The following IGF1R variants were observed in gnomAD, a reference collection of about 807,000 sequenced individuals.
The protein encoded by IGF1R is insulin like growth factor 1 receptor, also known as insulin-like growth factor 1 receptor.
A neutral mutation model predicts 144.6 loss-of-function variants in IGF1R; 44 were observed. That is an observed-to-expected ratio of 0.30 (90% CI 0.24 to 0.39). The LOEUF (loss-of-function observed/expected upper bound fraction) is 0.39, where lower values mean the gene tolerates loss of function less well. IGF1R is among the 10% of genes least tolerant of loss of function. The pLI, the probability that IGF1R is intolerant of heterozygous loss-of-function variation, is 1.00. For missense variants in IGF1R, 1,355 were observed against 1,833.7 expected (o/e 0.74, Z 4.77); for synonymous variants, 795 against 722.8 (o/e 1.10, Z -1.60).
intron 2 of IGF1R, among the ~76,000 whole-genome samples, chr15:98,848,008 A>C (rs2011401228): frequency 6.6e-6 from 1 of 152,158 alleles, no homozygotes; most frequent in African/African-American, 2.4e-5. Flanking sequence ...GTTACTGGCC[A>C]GGAGCTGCCT....
At chr15:98,866,335 T>C (rs929669250) in intron 2 of IGF1R, among the ~76,000 whole-genome samples, 6 of 152,208 alleles carry the variant, frequency 3.9e-5, no homozygotes, top group African/African-American at 1.4e-4. Flanking sequence ...TTTCTTCCCA[T>C]TGCATGTGGG....
intron 10 of IGF1R, among the ~76,000 whole-genome samples, chr15:98,920,543 A>T (rs1046117852): frequency 6.6e-6 from 1 of 152,186 alleles, no homozygotes; most frequent in Non-Finnish European, 1.5e-5. Context: ...AAATTTGTTG[A>T]TGATGTGTTG....
chr15:98,919,228 G>A (rs577190739), intron 10 of IGF1R, among the ~76,000 whole-genome samples: 4 of 152,252 alleles, frequency 2.6e-5, no homozygotes, highest in South Asian at 2.1e-4. Context: ...CCTCCATTGC[G>A]TTGCTTCTCG....
intron 1 of IGF1R, among the ~76,000 whole-genome samples, chr15:98,679,339 T>G (rs1415944995): frequency 1.3e-5 from 2 of 152,380 alleles, no homozygotes; most frequent in East Asian, 3.9e-4. Context: ...ATGTTTTAGT[T>G]GCTTTTCTCT....
At chr15:98,852,947 G>A (rs1425369489) in intron 2 of IGF1R, among the ~76,000 whole-genome samples, 2 of 152,260 alleles carry the variant, frequency 1.3e-5, no homozygotes, top group African/African-American at 2.4e-5. Flanking sequence ...CTCTCCATGT[G>A]GGACAGGTCA....
chr15:98,849,821 A>G (rs1668984866), intron 2 of IGF1R, among the ~76,000 whole-genome samples: 1 of 152,222 alleles, frequency 6.6e-6, no homozygotes, highest in Non-Finnish European at 1.5e-5. Context: ...GTTTGATTTC[A>G]CTCATACGAG....
At chr15:98,858,818 C>G (rs1163648260) in intron 2 of IGF1R, among the ~76,000 whole-genome samples, 1 of 152,216 alleles carries the variant, frequency 6.6e-6, no homozygotes, top group Admixed American at 6.5e-5. Flanking sequence ...TATTTTTGAA[C>G]AGCCAAACTT....
intron 2 of IGF1R, among the ~76,000 whole-genome samples, chr15:98,845,547 C>T (rs1000436080): frequency 1.4e-5 from 2 of 145,488 alleles, no homozygotes; most frequent in Non-Finnish European, 1.5e-5. Flanking sequence ...TCCTCCTCCC[C>T]CTCCTCTCTC....
At chr15:98,695,448 G>A (rs991064694) in intron 1 of IGF1R, among the ~76,000 whole-genome samples, 7 of 152,192 alleles carry the variant, frequency 4.6e-5, no homozygotes, top group Non-Finnish European at 8.8e-5. Flanking sequence ...AGCCTTAAGA[G>A]ATACCTCCAA....
intron 2 of IGF1R, among the ~76,000 whole-genome samples, chr15:98,825,354 G>A (rs73479800): frequency 0.047 from 7,121 of 152,238 alleles, 539 homozygotes; most frequent in African/African-American, 0.16. Flanking sequence ...TTTGTGTATA[G>A]CCCATGCTCA....
chr15:98,820,807 T>C (rs996159796), intron 2 of IGF1R: 1 of 152,240 alleles, frequency 6.6e-6, no homozygotes, highest in African/African-American at 2.4e-5. Flanking sequence ...AGAATGTGAA[T>C]AAACTGACCT....
chr15:98,740,553 A>G (rs1487452635), intron 2 of IGF1R, among the ~76,000 whole-genome samples: 1 of 152,246 alleles, frequency 6.6e-6, no homozygotes, highest in Non-Finnish European at 1.5e-5. Flanking sequence ...CGTGTGATAC[A>G]AGAAATCGAT....
At chr15:98,896,978 G>T in intron 4 of IGF1R, 73 bp downstream of exon 4, 1 of 1,434,366 alleles carries the variant, frequency 7.0e-7, no homozygotes, top group Non-Finnish European at 9.7e-7. Context: ...TCATGCTCCC[G>T]TCCCTGAGTC....
chr15:98,930,985 C>G (rs563160703), intron 15 of IGF1R, among the ~76,000 whole-genome samples: 1 of 152,296 alleles, frequency 6.6e-6, no homozygotes, highest in South Asian at 2.1e-4. Context: ...TCCAGTGATA[C>G]TAGGACCCTT....
intron 1 of IGF1R, among the ~76,000 whole-genome samples, chr15:98,691,884 G>A (rs1457639994): frequency 6.6e-6 from 1 of 152,164 alleles, no homozygotes; most frequent in South Asian, 2.1e-4. Flanking sequence ...GAGGTTATAG[G>A]CATTTGTATT....
chr15:98,723,516 A>G (rs1298598475), intron 2 of IGF1R, among the ~76,000 whole-genome samples: 1 of 152,268 alleles, frequency 6.6e-6, no homozygotes, highest in Admixed American at 6.5e-5. Context: ...TAATGCAAAG[A>G]TAAAGTAGTG....
chr15:98,931,770 G>A (rs1273339427), intron 15 of IGF1R, among the ~76,000 whole-genome samples: 3 of 151,452 alleles, frequency 2.0e-5, no homozygotes, highest in African/African-American at 7.3e-5. Flanking sequence ...AGACTGAGGT[G>A]AAAGGATTAC....
chr15:98,878,691 AAAAACAAC>A (rs2013199658), intron 2 of IGF1R, among the ~76,000 whole-genome samples: 9 of 140,126 alleles, frequency 6.4e-5, no homozygotes, highest in East Asian at 2.0e-4. Flanking sequence ...AAAAAAAAAA[AAAAACAAC>A]AACAAAAAAA....
chr15:98,742,474 C>T (rs1436972150), intron 2 of IGF1R, among the ~76,000 whole-genome samples: 3 of 151,976 alleles, frequency 2.0e-5, no homozygotes, highest in African/African-American at 4.8e-5. Flanking sequence ...CATCTTTACG[C>T]GGGTGGAGGA....
Sources: gnomAD v4.1 joint callset for allele counts (sites outside exome capture counted in the v4.1 genomes callset) on GRCh38, gnomAD v4.1.1 for gene constraint, MANE v1.5 for transcripts, NCBI Gene and HGNC (gene_info 2026-07-23, HGNC 2026-07-21) for gene names.